ABCD4: variants seen among roughly 807,000 people sequenced by gnomAD.
ABCD4 encodes the protein ATP binding cassette subfamily D member 4, also known as lysosomal cobalamin transporter ABCD4.
Under a neutral mutation model 86.3 loss-of-function variants are expected in ABCD4, and 53 were observed. The observed-to-expected ratio is 0.61, with a 90% CI of 0.49 to 0.77. ABCD4 has a LOEUF of 0.77. ABCD4 is among the 30% of genes least tolerant of loss of function. ABCD4 has a pLI of 0.00. For synonymous variants in ABCD4, 328 were observed against 313.6 expected, an observed-to-expected ratio of 1.05 and a Z score of -0.49; for missense variants, 757 against 764.5, an observed-to-expected ratio of 0.99 and a Z score of 0.12.
At chr14:74,300,939 G>C (rs2084287141) in intron 1 of ABCD4, among the ~76,000 whole-genome samples, 1 of 151,680 alleles carries the variant, frequency 6.6e-6, no homozygotes, top group South Asian at 2.1e-4. Context: ...TGCAACCTCC[G>C]CCTCCCTGGT....
intron 11 of ABCD4, among the ~76,000 whole-genome samples, chr14:74,291,929 A>C (rs2081593217): frequency 6.6e-6 from 1 of 152,166 alleles, no homozygotes; most frequent in Non-Finnish European, 1.5e-5. Flanking sequence ...GGATACAGAC[A>C]TCTCTGGGGC....
At position 74,296,371 on chromosome 14, in the gene ABCD4, C is replaced by T. The variant is rs753233201; in HGVS notation, c.504G>A (p.Pro168=). The T allele has an allele frequency of 3.3e-5, 54 of 1,614,060 alleles. No homozygotes were observed. Among genetic ancestry groups the T allele is most frequent in the Admixed American group, 2.0e-4 (12 of 59,998 alleles). The stretch of plus-strand genomic sequence containing the variant: ...GGTAAGTGTAGTAGACGAGGGTGAA[C>T]GGGGAGATGATGAGCTTGCTGGCCA... The part of the protein sequence containing the change: ...SSMASKLIIS[P]FTLVYYTYQC... The change falls in exon 5 of 19, where the codon CCG becomes CCA. Residue 168 remains proline, a synonymous_variant. Coordinates refer to ENST00000356924, the MANE Select transcript of ABCD4 (RefSeq NM_005050.4).
At chr14:74,295,377 G>A (rs1252572724) in intron 6 of ABCD4, among the ~76,000 whole-genome samples, 179 bp from the exon 7 acceptor site, 1 of 152,234 alleles carries the variant, frequency 6.6e-6, no homozygotes. Context: ...GCTAGGTGGT[G>A]TGGCAGGAGC....
Position 74,285,768 on chromosome 14 carries a change from T to G in ABCD4, c.*693A>C, listed in dbSNP as rs867353341. ...TAAGGGGAAAGGGATTTACTTTCAT[T>G]TGGGTTAAGGTAGGGCAGACCAAAG... On this transcript the variant is annotated 3_prime_UTR_variant, in exon 19 of 19. Transcript: ENST00000356924. 6.6e-6 allele frequency: 1 copy of G among 152,162 alleles called. No individual in the cohort carries two copies. Among genetic ancestry groups the G allele is most frequent in the South Asian group, 2.1e-4 (1 of 4,822 alleles). The allele number at this position is 152,162 out of a possible 1,614,324, so 9.4% of individuals were successfully genotyped here. A position where few individuals can be genotyped will look rare whatever the true frequency, so the allele number is the denominator to read the frequency against.
Position 74,295,215 on chromosome 14 carries a change from G to C in ABCD4, c.669-17C>G, listed in dbSNP as rs767007577. 6.2e-7 allele frequency: 1 copy of C among 1,614,156 alleles called. No individual in the cohort carries two copies. The highest frequency in any genetic ancestry group is 8.5e-7 in the Non-Finnish European group (1 of 1,179,986). ...TGCTTGAACCTGGGCGGACCAAAGGGAAATGTGTGCTGACAACAGGGAGTA... is the reference window on the plus strand; with the variant it reads ...TGCTTGAACCTGGGCGGACCAAAGGCAAATGTGTGCTGACAACAGGGAGTA... On this transcript the variant is annotated splice_polypyrimidine_tract_variant and intron_variant, in intron 6 of 18. Transcript: ENST00000356924.
In ABCD4 at chr14:74,300,137, C is replaced by T; in HGVS notation, c.157+13G>A. 1.3e-6 allele frequency: 2 copies of T among 1,517,462 alleles called. No homozygotes were observed. The highest frequency in any genetic ancestry group is 1.8e-6 in the Non-Finnish European group (2 of 1,095,028). The allele number at this position is 1,517,462 out of a possible 1,614,324, so 94.0% of individuals were successfully genotyped here. A position where few individuals can be genotyped will look rare whatever the true frequency, so the allele number is the denominator to read the frequency against. On this transcript the variant is annotated intron_variant, in intron 2 of 18. Coordinates refer to ENST00000356924, the MANE Select transcript of ABCD4 (RefSeq NM_005050.4). ...GCTCCCCTCCCTCCTCTAGTCTGGG[C>T]TCACTCACTCACCCAGTAGGGTCAG...
rs1162766528 is a variant in ABCD4 at position 74,302,831 on chromosome 14, C to T, written c.38+44G>A. ...GCAGGAAAGCCCATTCCCTACAGCC[C>T]GGAACTCCTGCTCCCAAACCTCCTC... On this transcript the variant is annotated intron_variant, in intron 1 of 18. Coordinates refer to ENST00000356924, the MANE Select transcript of ABCD4 (RefSeq NM_005050.4). 2.5e-6 allele frequency: 4 copies of T among 1,595,574 alleles called. No homozygotes were observed. The South Asian group carries it at 3.4e-5, about 14-fold the overall frequency.
intron 3 of ABCD4, 161 bp downstream of exon 3, chr14:74,299,387 A>C: frequency 1.1e-6 from 1 of 881,156 alleles, no homozygotes; most frequent in Non-Finnish European, 1.7e-6. Flanking sequence ...TAGCAAGATC[A>C]ACGTGCTTAA....
chr14:74,290,361 G>A lies in ABCD4; in HGVS notation c.1257C>T (p.Ile419=), dbSNP rs1389288294. 6.2e-7 allele frequency: 1 copy of A among 1,614,060 alleles called. No homozygotes were observed. Among genetic ancestry groups the A allele is most frequent in the Non-Finnish European group, 8.5e-7 (1 of 1,180,036 alleles). ...TCTTGCCAGTGCCCGTGTTGCCTGT[G>A]ATGAGCAGGCTCTGTCCCTCGGAGA... ...LKISEGQSLL[I]TGNTGTGKTS... The change falls in exon 12 of 19, where the codon ATC becomes ATT. Residue 419 remains isoleucine (I), a synonymous_variant. Coordinates refer to ENST00000356924, the MANE Select transcript of ABCD4 (RefSeq NM_005050.4).
At chr14:74,291,291 T>A (rs1320068860) in intron 11 of ABCD4, among the ~76,000 whole-genome samples, 1 of 152,230 alleles carries the variant, frequency 6.6e-6, no homozygotes, top group Non-Finnish European at 1.5e-5. Context: ...GGGGTGGAAC[T>A]TCTACTCTCT....
chr14:74,289,002 CG>C (rs2080656589), intron 14 of ABCD4: 2 of 907,890 alleles, frequency 2.2e-6, no homozygotes, highest in Non-Finnish European at 3.0e-6. Context: ...GCCCCAGCTA[CG>C]GAAGAGGCTG....
At position 74,286,368 on chromosome 14, in the gene ABCD4, A is replaced by G. The variant is rs2079740340; in HGVS notation, c.*93T>C. 4 of 1,410,642 alleles carry G rather than the reference A, an allele frequency of 2.8e-6. No individual in the cohort carries two copies. Among genetic ancestry groups the G allele is most frequent in the Non-Finnish European group, 4.0e-6 (4 of 1,002,386 alleles). 87.4% of individuals were successfully genotyped at this position (1,410,642 alleles called of 1,614,324 possible). On this transcript the variant is annotated 3_prime_UTR_variant, in exon 19 of 19. Transcript: ENST00000356924. Reference sequence around the variant, plus strand: ...GCTCCTGCACGGGATCTATGTGGCGAACCTGAGCTCGATCTTCGCTGTCAG... The same window carrying G: ...GCTCCTGCACGGGATCTATGTGGCGGACCTGAGCTCGATCTTCGCTGTCAG...
rs1355097730 is a variant in ABCD4 at position 74,290,299 on chromosome 14, C to T, written c.1319G>A (p.Ser440Asn). 9 of 1,614,064 alleles carry T rather than the reference C, an allele frequency of 5.6e-6. No homozygotes were observed. Among genetic ancestry groups the T allele is most frequent in the East Asian group, 4.5e-5 (2 of 44,898 alleles). The change falls in exon 12 of 19, where the codon AGT becomes AAT. Residue 440 changes from serine (S) to asparagine (N), a missense_variant. By Grantham distance (46) the Ser-to-Asn change is conservative. Transcript: ENST00000356924. ...LLRVLGGLWT[S>N]TRGSVQMLTD... is the part of the protein sequence containing the mutation. ...GAGGGCCTGGCTCTCACCCCGTGTA[C>T]TCGTCCAGAGGCCACCCAGAACCCG...
intron 11 of ABCD4, among the ~76,000 whole-genome samples, chr14:74,290,973 G>A (rs1030033657): frequency 2.0e-5 from 3 of 152,110 alleles, no homozygotes; most frequent in Non-Finnish European, 2.9e-5. Context: ...GTGCCCAGCT[G>A]GAGGCAGGGT....
At chr14:74,290,571 C>G in intron 11 of ABCD4, 72 bp from the exon 12 acceptor site, 1 of 1,154,664 alleles carries the variant, frequency 8.7e-7, no homozygotes, top group Non-Finnish European at 1.3e-6. Context: ...GGCACTGCTC[C>G]CGGGAGCCAC....
rs370235991 is a variant in ABCD4 at position 74,296,478 on chromosome 14, C to G, written c.426-29G>C. ...GAGCCAATGACACAGAGTAGCTGGACCCAGGGAGATGGGCCCAAAGGTAGA... is the reference window on the plus strand; with the variant it reads ...GAGCCAATGACACAGAGTAGCTGGAGCCAGGGAGATGGGCCCAAAGGTAGA... On this transcript the variant is annotated intron_variant, in intron 4 of 18. Transcript: ENST00000356924. 100 of 1,606,204 alleles carry G rather than the reference C, an allele frequency of 6.2e-5. No individual in the cohort carries two copies. The highest frequency in any genetic ancestry group is 8.0e-5 in the Non-Finnish European group (94 of 1,173,742).
rs754280972 is a variant in ABCD4, at chr14:74,302,901, C to A, written c.12G>T (p.Ala4=). MAV[A]GPAPGAGARP... is the part of the protein sequence containing the mutation. Reference sequence around the variant, plus strand: ...TGGCGCCAGCTCCGGGCGCGGGCCCCGCGACCGCCATGACCTGAGACCCGA... The same window carrying A: ...TGGCGCCAGCTCCGGGCGCGGGCCCAGCGACCGCCATGACCTGAGACCCGA... Residue 4 remains alanine (A), a synonymous_variant, in exon 1 of 19, where the codon GCG becomes GCT. Coordinates refer to ENST00000356924, the MANE Select transcript of ABCD4 (RefSeq NM_005050.4). The A allele has an allele frequency of 1.2e-6, 2 of 1,607,400 alleles. No individual in the cohort carries two copies. The highest frequency in any genetic ancestry group is 1.7e-6 in the Non-Finnish European group (2 of 1,177,240).
Position 74,296,196 on chromosome 14 carries a change from G to C in ABCD4, c.542+137C>G, listed in dbSNP as rs183520598. ...AGGGCCAAAGGAAGGGCAGGGGCCTGAGCACGTGGGATGGGTGAGCACGTG... is the reference window on the plus strand; with the variant it reads ...AGGGCCAAAGGAAGGGCAGGGGCCTCAGCACGTGGGATGGGTGAGCACGTG... On this transcript the variant is annotated intron_variant, in intron 5 of 18. Transcript: ENST00000356924. 3.6e-6 allele frequency: 4 copies of C among 1,110,306 alleles called. No homozygotes were observed. In the African/African-American group the frequency reaches 4.7e-5, roughly 13 times the overall value. The allele number at this position is 1,110,306 out of a possible 1,614,324, so 68.8% of individuals were successfully genotyped here.
intron 11 of ABCD4, among the ~76,000 whole-genome samples, chr14:74,291,138 A>AT (rs1270016369): frequency 6.6e-6 from 1 of 152,210 alleles, no homozygotes; most frequent in Non-Finnish European, 1.5e-5. Context: ...CAAGCCAAGG[A>AT]GTGGCCTAAG....
Sources: gnomAD v4.1 joint callset for allele counts (sites outside exome capture counted in the v4.1 genomes callset) on GRCh38, gnomAD v4.1.1 for gene constraint, MANE v1.5 for transcripts, NCBI Gene and HGNC (gene_info 2026-07-23, HGNC 2026-07-21) for gene names.